CIZ1: variants seen among roughly 807,000 people sequenced by gnomAD.
CIZ1 encodes cip1-interacting zinc finger protein.
In CIZ1, 58 loss-of-function variants were observed where a neutral mutation model predicts 118.6. The observed-to-expected ratio is 0.49, with a 90% confidence interval of 0.40 to 0.61. CIZ1 has a LOEUF of 0.61. Among genes scored for constraint, CIZ1 ranks in the 20% least tolerant of loss-of-function variants. The probability of loss-of-function intolerance (pLI) is 0.00; values close to 1 mark genes in which losing one functional copy is unlikely to be tolerated. For synonymous variants in CIZ1, 448 were observed against 443.4 expected, an observed-to-expected ratio of 1.01 and a Z score of -0.13; for missense variants, 921 against 1,115.9, an observed-to-expected ratio of 0.83 and a Z score of 2.49.
intron 3 of CIZ1, among the ~76,000 whole-genome samples, chr9:128,188,644 C>CT (rs1445725881): frequency 1.4e-5 from 2 of 146,760 alleles, no homozygotes; most frequent in Non-Finnish European, 3.0e-5. Context: ...TTTTTTTTTT[C>CT]TTTTTTTGAG....
chr9:128,201,443 C>T (rs1249040991), intron 1 of CIZ1, among the ~76,000 whole-genome samples: 1 of 152,084 alleles, frequency 6.6e-6, no homozygotes, highest in African/African-American at 2.4e-5. Flanking sequence ...AGTGAGACTC[C>T]GTCTCAAAAA....
At chr9:128,193,778 C>T (rs546646666), upstream of CIZ1, among the ~76,000 whole-genome samples, 1 of 152,126 alleles carries the variant, frequency 6.6e-6, no homozygotes, top group Non-Finnish European at 1.5e-5. Context: ...TGGGTGCTAG[C>T]GTTGGAGAGG....
chr9:128,180,649 C>T, intron 6 of CIZ1, 72 bp downstream of exon 6: 10 of 1,379,536 alleles, frequency 7.2e-6, no homozygotes, highest in Non-Finnish European at 1.0e-5. Context: ...CTGCCTCTAT[C>T]ACCTGCTGAC....
At chr9:128,191,963 C>T, upstream of CIZ1, 1 of 1,370,860 alleles carries the variant, frequency 7.3e-7, no homozygotes, top group Non-Finnish European at 9.5e-7. The surrounding 1 kb of genome is among the most constrained non-coding windows in gnomAD (Gnocchi z 5.5). Context: ...CCAGGCCAGG[C>T]GAGAGGGCGG....
intron 2 of CIZ1, 48 bp downstream of exon 2, chr9:128,190,640 G>C (rs1350988743): frequency 6.5e-7 from 1 of 1,536,688 alleles, no homozygotes; most frequent in Admixed American, 2.0e-5. Flanking sequence ...CCGAGACATG[G>C]GTCTGAGTAG....
At chr9:128,174,564 G>A (rs374219087) in intron 11 of CIZ1, among the ~76,000 whole-genome samples, 24 of 152,018 alleles carry the variant, frequency 1.6e-4, no homozygotes, top group Admixed American at 4.6e-4. Context: ...ACTTACAACC[G>A]CGAAGAACCC....
chr9:128,182,677 G>A (rs1029814929), intron 5 of CIZ1, among the ~76,000 whole-genome samples: 3 of 152,088 alleles, frequency 2.0e-5, no homozygotes, highest in Admixed American at 1.3e-4. Context: ...CCCCAGGCCC[G>A]TCCCTGCCCC....
intron 14 of CIZ1, chr9:128,167,767 G>A (rs1829613175): frequency 6.5e-6 from 1 of 154,332 alleles, no homozygotes; most frequent in Non-Finnish European, 1.5e-5. Flanking sequence ...AGCCCTAGCA[G>A]GCCTAGCAGT....
chr9:128,171,607 C>T (rs1239848852), intron 11 of CIZ1, among the ~76,000 whole-genome samples: 4 of 150,778 alleles, frequency 2.7e-5, no homozygotes, highest in Non-Finnish European at 4.4e-5. Flanking sequence ...TGTGGTGGCA[C>T]GCGCCTGTAA....
Position 128,168,899 on chromosome 9 carries a change from G to C in CIZ1, c.2295+153C>G. 2 of 1,068,294 alleles carry C rather than the reference G, an allele frequency of 1.9e-6. No individual in the cohort carries two copies. The highest frequency in any genetic ancestry group is 1.4e-6 in the Non-Finnish European group (1 of 732,462). 66.2% of individuals were successfully genotyped at this position (1,068,294 alleles called of 1,614,324 possible). A position where few individuals can be genotyped will look rare whatever the true frequency, so the allele number is the denominator to read the frequency against. On this transcript the variant is annotated intron_variant, in intron 14 of 16. Transcript: ENST00000372938. ...TCTAGTCATCATGCATAATTACATA[G>C]TCATGCAGAAGGCAGTTGACAGTAA...
Position 128,178,827 on chromosome 9 carries a change from C to T in CIZ1, c.1380G>A (p.Gln460=). Residue 460 remains glutamine (Q), a synonymous_variant, in exon 8 of 17, where the codon CAG becomes CAA. Coordinates refer to ENST00000372938, the MANE Select transcript of CIZ1 (RefSeq NM_001131016.2). The part of the protein sequence containing the change: ...PAQVSVQPPE[Q]THEQPHTQPQ... ...GCTGGGTGTGAGGCTGCTCATGGGTCTGCTCTGGTGGCTGTACTGACACCT... is the reference window on the plus strand; with the variant it reads ...GCTGGGTGTGAGGCTGCTCATGGGTTTGCTCTGGTGGCTGTACTGACACCT... 1 of 1,614,208 alleles carries T rather than the reference C, an allele frequency of 6.2e-7. No individual in the cohort carries two copies. The highest frequency in any genetic ancestry group is 8.5e-7 in the Non-Finnish European group (1 of 1,180,034).
In CIZ1 at chr9:128,203,895, A is replaced by C. The variant is rs971870821; in HGVS notation, c.-6+291T>G. Among the ~76,000 whole-genome samples the C allele has an allele frequency of 6.6e-6, 1 of 151,790 alleles. No individual in the cohort carries two copies. Among genetic ancestry groups the C allele is most frequent in the African/African-American group, 2.4e-5 (1 of 41,310 alleles). On this transcript the variant is annotated intron_variant, in intron 1 of 17. Coordinates refer to the CIZ1 transcript ENST00000372948. This position sits in a 1 kb window ranked among gnomAD's most constrained non-coding sequence, Gnocchi z 5.3. ...CCTCCTCCGTCCCATCCTTTAGGGC[A>C]GACAACGCTCTGCCAGAAGCCCCGG...
rs1225130168 is a variant in CIZ1, at chr9:128,180,715, C to T, written c.682+6G>A. On this transcript the variant is annotated splice_donor_region_variant and intron_variant, in intron 6 of 16. Transcript: ENST00000372938. The stretch of plus-strand genomic sequence containing the variant: ...CTCTGAAGGGCCAGCAGCCTCCCTC[C>T]CTCACCTTCTGGTGTGTCCATCCGG... 19 of 1,598,350 alleles carry T rather than the reference C, an allele frequency of 1.2e-5. No individual in the cohort carries two copies. Among genetic ancestry groups the T allele is most frequent in the Non-Finnish European group, 1.6e-5 (19 of 1,171,824 alleles).
In CIZ1 at chr9:128,167,127, C is replaced by G. The variant is rs199622355; in HGVS notation, c.2333G>C (p.Gly778Ala). Reference protein sequence around the residue: ...SRDISREEWKGSETYSPNTAY... With the variant: ...SRDISREEWKASETYSPNTAY... ...AGTATTGGGGCTGTAGGTCTCCGAG[C>G]CCTTCCACTCCTCTCTGGATATATC... Residue 778 changes from glycine (G) to alanine (A), a missense_variant, in exon 15 of 17, where the codon GGC (glycine) becomes GCC (alanine). Physicochemically the swap from Gly to Ala is moderately conservative, Grantham distance 60 (BLOSUM62 0). Coordinates refer to ENST00000372938, the MANE Select transcript of CIZ1 (RefSeq NM_001131016.2). The G allele has an allele frequency of 5.1e-5, 82 of 1,602,580 alleles. No homozygotes were observed. Among genetic ancestry groups the G allele is most frequent in the Admixed American group, 6.9e-5 (4 of 58,382 alleles).
Position 128,169,410 on chromosome 9 carries a change from T to C in CIZ1, c.2141A>G (p.Lys714Arg). The change falls in exon 13 of 17, where the codon AAG becomes AGG. Residue 714 changes from lysine to arginine, a missense_variant. Physicochemically the swap from Lys to Arg is conservative, Grantham distance 26. Transcript: ENST00000372938. The part of the protein sequence containing the change: ...VKSQGHKDKA[K>R]ELKSLEKEIA... ...CTCTGAGGGAGCTCAGGTTACCTCC[T>C]TGGCTTTGTCCTTATGCCCCTGGGA... 6 of 1,613,798 alleles carry C rather than the reference T, an allele frequency of 3.7e-6. No individual in the cohort carries two copies. The highest frequency in any genetic ancestry group is 4.2e-6 in the Non-Finnish European group (5 of 1,179,658).
At position 128,185,787 on chromosome 9, in the gene CIZ1, G is replaced by A; in HGVS notation, c.359-11C>T. 6.3e-7 allele frequency: 1 copy of A among 1,591,074 alleles called. No homozygotes were observed. Among genetic ancestry groups the A allele is most frequent in the Non-Finnish European group, 8.6e-7 (1 of 1,160,638 alleles). ...AGCCTCGGAGGTTACCTGCAGGCAAGAAGACAGGAGAAGAGGGGTCACAAT... is the reference window on the plus strand; with the variant it reads ...AGCCTCGGAGGTTACCTGCAGGCAAAAAGACAGGAGAAGAGGGGTCACAAT... On this transcript the variant is annotated splice_polypyrimidine_tract_variant and intron_variant, in intron 4 of 16. Coordinates refer to ENST00000372938, the MANE Select transcript of CIZ1 (RefSeq NM_001131016.2).
At chr9:128,180,594 G>T (rs1250884354) in intron 6 of CIZ1, 71 bp from the exon 7 acceptor site, 2 of 1,435,332 alleles carry the variant, frequency 1.4e-6, no homozygotes, top group Non-Finnish European at 1.9e-6. Context: ...AAGAGATGGG[G>T]CCTGGGCTCC....
upstream of CIZ1, chr9:128,191,679 G>C (rs10987917): frequency 4.5e-5 from 58 of 1,286,750 alleles, no homozygotes; most frequent in Non-Finnish European, 4.8e-5. This position sits in a 1 kb window ranked among gnomAD's most constrained non-coding sequence, Gnocchi z 5.5. Flanking sequence ...AGTCACGCTG[G>C]GGGGCGGCTG....
chr9:128,193,594 A>G (rs1435612250), upstream of CIZ1, among the ~76,000 whole-genome samples: 1 of 152,172 alleles, frequency 6.6e-6, no homozygotes, highest in African/African-American at 2.4e-5. Context: ...GGCGCCTGTA[A>G]TCTCAGCTAC....
Sources: allele counts gnomAD v4.1 joint callset (sites outside exome capture counted in the v4.1 genomes callset), GRCh38; gene constraint gnomAD v4.1.1; non-coding constraint Gnocchi (gnomAD v3.1); transcripts MANE v1.5; gene names NCBI Gene and HGNC (gene_info 2026-07-23, HGNC 2026-07-21).